GABRG1: variants seen among roughly 807,000 people sequenced by gnomAD.
GABRG1 encodes the protein gamma-aminobutyric acid receptor subunit gamma-1.
In GABRG1, 49 loss-of-function variants were observed where a neutral mutation model predicts 49.8. The ratio of observed to expected loss-of-function variants is 0.98; its 90% CI spans 0.78 to 1.25. The LOEUF is 1.25. Among genes scored for constraint, GABRG1 ranks in the 50% most tolerant of loss-of-function variants. The pLI is 0.00. For synonymous variants in GABRG1, 232 were observed against 185.1 expected, an observed-to-expected ratio of 1.25 and a Z score of -2.06; for missense variants, 552 against 552.3, an observed-to-expected ratio of 1.00 and a Z score of 0.01.
At chr4:46,065,201 T>TA (rs1489549140) in intron 4 of GABRG1, among the ~76,000 whole-genome samples, 163 bp downstream of exon 4, 1 of 152,146 alleles carries the variant, frequency 6.6e-6, no homozygotes, top group African/African-American at 2.4e-5. Flanking sequence ...TAACTGAGCT[T>TA]AAAAAAGTAT....
intron 2 of GABRG1, among the ~76,000 whole-genome samples, 164 bp from the exon 3 acceptor site, chr4:46,084,217 CT>C (rs1387641092): frequency 6.6e-6 from 1 of 151,516 alleles, no homozygotes; most frequent in Non-Finnish European, 1.5e-5. Context: ...AAAAAACAAT[CT>C]TTTTGGTTTG....
intron 1 of GABRG1, among the ~76,000 whole-genome samples, chr4:46,115,857 AC>A (rs1251998334): frequency 1.3e-5 from 2 of 150,826 alleles, no homozygotes; most frequent in Non-Finnish European, 3.0e-5. Context: ...ATAAGATTAA[AC>A]ATAAGATAGC....
intron 5 of GABRG1, among the ~76,000 whole-genome samples, chr4:46,062,428 C>T (rs1015691451): frequency 6.6e-6 from 1 of 152,082 alleles, no homozygotes; most frequent in Non-Finnish European, 1.5e-5. Flanking sequence ...ATTTCTAGTT[C>T]TAGATCCCTG....
rs942752668 is a variant in GABRG1 at position 46,110,111 on chromosome 4, G to A, written c.105-12762C>T. Among the ~76,000 whole-genome samples the A allele has an allele frequency of 1.7e-4, 25 of 151,060 alleles. No homozygotes were observed. In the East Asian group the frequency reaches 4.1e-3, roughly 25 times the overall value. On this transcript the variant is annotated intron_variant, in intron 1 of 8. Coordinates refer to ENST00000295452, the MANE Select transcript of GABRG1 (RefSeq NM_173536.4). ...TTCAATCTTGCTAATGCTTTCAGTG[G>A]GATGTTGAAATCTTCAACTATGATT...
chr4:46,059,946 C>T (rs546814958), intron 5 of GABRG1, among the ~76,000 whole-genome samples: 1 of 152,020 alleles, frequency 6.6e-6, no homozygotes, highest in Non-Finnish European at 1.5e-5. Context: ...TTTACTTTCT[C>T]TTATTTTTTC....
intron 2 of GABRG1, among the ~76,000 whole-genome samples, chr4:46,093,611 C>T (rs1720073046): frequency 6.6e-6 from 1 of 151,628 alleles, no homozygotes; most frequent in East Asian, 1.9e-4. Context: ...AATGTTCATA[C>T]CAAAAAGAAA....
In GABRG1 at chr4:46,123,800, A is replaced by G. The variant is rs1721169733; in HGVS notation, c.104+10T>C. On this transcript the variant is annotated intron_variant, in intron 1 of 8. Transcript: ENST00000295452. ...GCAAAGAATAGTTTTAAACCCCTGA[A>G]TTTACTCACCAGTTTCCCAAATGCA... The G allele has an allele frequency of 6.2e-7, 1 of 1,601,770 alleles. No homozygotes were observed.
At chr4:46,049,319 C>A (rs572702930) in intron 8 of GABRG1, among the ~76,000 whole-genome samples, 9 of 151,990 alleles carry the variant, frequency 5.9e-5, no homozygotes, top group African/African-American at 2.2e-4. Flanking sequence ...ACCTGATTAG[C>A]AAGACCATAT....
chr4:46,123,112 A>G (rs909513566), intron 1 of GABRG1, among the ~76,000 whole-genome samples: 18 of 132,980 alleles, frequency 1.4e-4, no homozygotes, highest in Non-Finnish European at 2.2e-4. Flanking sequence ...ACACACACAC[A>G]CACACACACA....
At chr4:46,060,668 A>C (rs1718638089) in intron 5 of GABRG1, among the ~76,000 whole-genome samples, 1 of 152,188 alleles carries the variant, frequency 6.6e-6, no homozygotes, top group African/African-American at 2.4e-5. Flanking sequence ...TTAGTCATGC[A>C]ATGAAATAGT....
chr4:46,074,727 G>T (rs1719260799), intron 3 of GABRG1, among the ~76,000 whole-genome samples: 2 of 152,234 alleles, frequency 1.3e-5, no homozygotes, highest in Admixed American at 1.3e-4. Context: ...ATTGTTTTAA[G>T]CCTTTGCTAG....
chr4:46,121,521 T>C (rs570093973), intron 1 of GABRG1, among the ~76,000 whole-genome samples: 84 of 152,170 alleles, frequency 5.5e-4, no homozygotes, highest in African/African-American at 1.9e-3. Flanking sequence ...CTTGGTCTCA[T>C]AGAACCCAAT....
intron 3 of GABRG1, among the ~76,000 whole-genome samples, chr4:46,070,910 A>C (rs1337220041): frequency 6.6e-6 from 1 of 152,074 alleles, no homozygotes; most frequent in Non-Finnish European, 1.5e-5. Context: ...TTTCAATGTG[A>C]ATCACATCTA....
At chr4:46,051,679 G>T in intron 7 of GABRG1, 41 bp from the exon 8 acceptor site, 2 of 1,249,008 alleles carry the variant, frequency 1.6e-6, no homozygotes, top group South Asian at 2.6e-5. Flanking sequence ...AAAATTAATA[G>T]ACCACATTTA....
At chr4:46,111,333 C>A (rs895415414) in intron 1 of GABRG1, among the ~76,000 whole-genome samples, 1 of 150,980 alleles carries the variant, frequency 6.6e-6, no homozygotes, top group Non-Finnish European at 1.5e-5. Flanking sequence ...ACTGCTAAAA[C>A]AATTCAAAGG....
chr4:46,081,843 A>G (rs1282662657), intron 3 of GABRG1, among the ~76,000 whole-genome samples: 1 of 151,808 alleles, frequency 6.6e-6, no homozygotes, highest in Non-Finnish European at 1.5e-5. Context: ...GTTGGATACA[A>G]AAGGAGATAT....
chr4:46,053,882 T>TA (rs1000422472), intron 7 of GABRG1, among the ~76,000 whole-genome samples: 27 of 152,142 alleles, frequency 1.8e-4, no homozygotes, highest in Admixed American at 1.1e-3. Context: ...TCCGTGATAA[T>TA]AAAAAACACT....
At chr4:46,119,939 A>G (rs535595870) in intron 1 of GABRG1, among the ~76,000 whole-genome samples, 1 of 151,852 alleles carries the variant, frequency 6.6e-6, no homozygotes, top group South Asian at 2.1e-4. Flanking sequence ...GAATAACTAT[A>G]ATTCCACAGA....
chr4:46,088,963 G>C (rs1008525787), intron 2 of GABRG1, among the ~76,000 whole-genome samples: 1 of 151,856 alleles, frequency 6.6e-6, no homozygotes. Flanking sequence ...TCAGGGAAAA[G>C]GAAAAATAGA....
Sources: gnomAD v4.1 joint callset for allele counts (sites outside exome capture counted in the v4.1 genomes callset) on GRCh38, gnomAD v4.1.1 for gene constraint, MANE v1.5 for transcripts, NCBI Gene and HGNC (gene_info 2026-07-23, HGNC 2026-07-21) for gene names.